The following CUL5 variants were observed in gnomAD, a reference collection of about 807,000 sequenced individuals.
CUL5 encodes cullin-5.
Under a neutral mutation model 108.8 loss-of-function variants are expected in CUL5, and 26 were observed. The observed-to-expected ratio is 0.24, with a 90% CI of 0.18 to 0.33. The LOEUF (loss-of-function observed/expected upper bound fraction) is 0.33. Ranked by LOEUF, CUL5 falls within the 10% of genes least tolerant of loss-of-function variation. The pLI, the probability that CUL5 is intolerant of heterozygous loss-of-function variation, is 1.00. For missense variants in CUL5, 524 were observed against 909.2 expected (o/e 0.58, Z 5.45); for synonymous variants, 334 against 298.0 (o/e 1.12, Z -1.25).
chr11:108,027,636 T>C (rs1189225166), intron 1 of CUL5, among the ~76,000 whole-genome samples: 1 of 152,116 alleles, frequency 6.6e-6, no homozygotes, highest in African/African-American at 2.4e-5. Context: ...CTCGAACTCC[T>C]GGGCTCAAGT....
chr11:108,090,039 CA>C (rs35375054), intron 13 of CUL5, among the ~76,000 whole-genome samples: 1 of 148,330 alleles, frequency 6.7e-6, no homozygotes, highest in African/African-American at 2.5e-5. Context: ...GACTCCATTT[CA>C]AAAAAAAAAG....
intron 5 of CUL5, among the ~76,000 whole-genome samples, chr11:108,053,678 C>CT (rs35844502): frequency 0.054 from 6,941 of 129,300 alleles, 273 homozygotes; most frequent in Middle Eastern, 0.13. Flanking sequence ...GTATACCATG[C>CT]TTTTTTTTTT....
chr11:108,089,908 T>G (rs1864309181), intron 13 of CUL5, among the ~76,000 whole-genome samples: 1 of 151,916 alleles, frequency 6.6e-6, no homozygotes, highest in East Asian at 1.9e-4. Context: ...GATGTGCTGG[T>G]GCACTCCGGT....
chr11:108,053,358 A>G (rs911176049), intron 5 of CUL5, among the ~76,000 whole-genome samples: 1 of 152,180 alleles, frequency 6.6e-6, no homozygotes, highest in Non-Finnish European at 1.5e-5. Context: ...TTTACTGAAC[A>G]TAGAATGCAT....
intron 1 of CUL5, among the ~76,000 whole-genome samples, chr11:108,028,867 G>C (rs11824469): frequency 1.3e-5 from 2 of 152,108 alleles, no homozygotes; most frequent in Non-Finnish European, 1.5e-5. Context: ...TTCTTGCTCA[G>C]AATCTTTTAA....
intron 1 of CUL5, among the ~76,000 whole-genome samples, chr11:108,023,841 G>A (rs369997430): frequency 2.0e-5 from 3 of 152,092 alleles, no homozygotes; most frequent in Non-Finnish European, 1.5e-5. Context: ...TTTATAAAAG[G>A]AACCTAAAAG....
At chr11:108,029,920 A>T (rs905569919) in intron 1 of CUL5, among the ~76,000 whole-genome samples, 13 of 152,182 alleles carry the variant, frequency 8.5e-5, no homozygotes, top group African/African-American at 2.9e-4. Flanking sequence ...TAATTTTATA[A>T]ATTAGCAAAA....
chr11:108,052,773 G>A lies in CUL5; in HGVS notation c.525G>A (p.Gln175=). ...AERLGEAFDS[Q]LVIGVRESYV... ...GATTGGGAGAAGCTTTTGATTCTCA[G>A]CTGGTTATTGGAGTAAGAGAATCCT... Residue 175 remains glutamine, a synonymous_variant, in exon 5 of 19, where the codon CAG becomes CAA. Transcript: ENST00000393094. 6.2e-7 allele frequency: 1 copy of A among 1,613,792 alleles called. No individual in the cohort carries two copies. Among genetic ancestry groups the A allele is most frequent in the East Asian group, 2.2e-5 (1 of 44,816 alleles).
At chr11:108,060,793 T>A (rs1863513531) in intron 7 of CUL5, among the ~76,000 whole-genome samples, 1 of 151,824 alleles carries the variant, frequency 6.6e-6, no homozygotes, top group Non-Finnish European at 1.5e-5. Context: ...GATCGCGCCA[T>A]TGCACTCCAG....
chr11:108,066,573 C>T (rs1863687124), intron 7 of CUL5, among the ~76,000 whole-genome samples: 1 of 152,040 alleles, frequency 6.6e-6, no homozygotes, highest in Non-Finnish European at 1.5e-5. Flanking sequence ...TTTAACTCAC[C>T]TTGTAATAAA....
intron 13 of CUL5, among the ~76,000 whole-genome samples, chr11:108,092,937 C>T (rs569143916): frequency 1.5e-4 from 23 of 152,234 alleles, no homozygotes; most frequent in Admixed American, 8.5e-4. Context: ...CTGCCTCAGC[C>T]TCCTGAGTAG....
chr11:108,009,199 G>A lies in CUL5; in HGVS notation c.-150G>A. The A allele has an allele frequency of 2.7e-6, 2 of 740,304 alleles. No individual in the cohort carries two copies. Among genetic ancestry groups the A allele is most frequent in the Non-Finnish European group, 4.6e-6 (2 of 436,462 alleles). The allele number at this position is 740,304 out of a possible 1,614,324, so 45.9% of individuals were successfully genotyped here. On this transcript the variant is annotated 5_prime_UTR_variant, in exon 1 of 19. Transcript: ENST00000393094. ...GCTCCTGGTGCTTGGGACGAGGTCAGCGCTGTCGGCGCGCTGCTCCAGCGC... is the reference window on the plus strand; with the variant it reads ...GCTCCTGGTGCTTGGGACGAGGTCAACGCTGTCGGCGCGCTGCTCCAGCGC...
At chr11:108,077,158 T>C (rs976479114) in intron 10 of CUL5, among the ~76,000 whole-genome samples, 4 of 152,182 alleles carry the variant, frequency 2.6e-5, no homozygotes, top group Non-Finnish European at 5.9e-5. Context: ...TGATATTTCA[T>C]TGTTAGAAAA....
At chr11:108,019,589 G>A (rs1000596526) in intron 1 of CUL5, among the ~76,000 whole-genome samples, 6 of 152,138 alleles carry the variant, frequency 3.9e-5, no homozygotes, top group African/African-American at 2.4e-5. Flanking sequence ...CCCTTGTAAC[G>A]TAGTAGTGCA....
intron 3 of CUL5, among the ~76,000 whole-genome samples, chr11:108,048,118 AT>A (rs199857275): frequency 0.011 from 1,589 of 144,446 alleles, 18 homozygotes; most frequent in African/African-American, 0.029. Flanking sequence ...CGCTTAAGAA[AT>A]TTTTTTTTTT....
intron 3 of CUL5, among the ~76,000 whole-genome samples, chr11:108,047,967 C>T (rs1468700635): frequency 6.6e-6 from 1 of 152,086 alleles, no homozygotes; most frequent in Admixed American, 6.5e-5. Context: ...TTCACGGTAA[C>T]ATGACTGAAT....
At chr11:108,089,084 G>A (rs1189713857) in intron 12 of CUL5, among the ~76,000 whole-genome samples, 1 of 151,910 alleles carries the variant, frequency 6.6e-6, no homozygotes, top group Admixed American at 6.6e-5. Flanking sequence ...AATGATGTAA[G>A]CCCAGGAATA....
At position 108,086,505 on chromosome 11, in the gene CUL5, A is replaced by G. The variant is rs557844272; in HGVS notation, c.1179-2022A>G. Among the ~76,000 whole-genome samples the G allele has an allele frequency of 2.6e-5, 4 of 152,218 alleles. No individual in the cohort carries two copies. The South Asian group carries it at 8.3e-4, about 32-fold the overall frequency. On this transcript the variant is annotated intron_variant, in intron 11 of 18. Transcript: ENST00000393094. ...GGTAGATCACTTTGATTGTTACAGTAGTTCACACCTGAGCCAGGCATTGCA... is the reference window on the plus strand; with the variant it reads ...GGTAGATCACTTTGATTGTTACAGTGGTTCACACCTGAGCCAGGCATTGCA...
At chr11:108,026,046 G>A (rs529055621) in intron 1 of CUL5, among the ~76,000 whole-genome samples, 8 of 152,328 alleles carry the variant, frequency 5.3e-5, no homozygotes, top group African/African-American at 1.7e-4. Flanking sequence ...ATGATGGGAA[G>A]CAGAAGTCTC....
Sources: gnomAD v4.1 joint callset for allele counts (sites outside exome capture counted in the v4.1 genomes callset) on GRCh38, gnomAD v4.1.1 for gene constraint, MANE v1.5 for transcripts, NCBI Gene and HGNC (gene_info 2026-07-23, HGNC 2026-07-21) for gene names.